MIPOL1: variants seen among roughly 807,000 people sequenced by gnomAD.
MIPOL1 encodes the protein mirror-image polydactyly gene 1 protein.
In MIPOL1, 57 loss-of-function variants were observed where a neutral mutation model predicts 60.9. The observed-to-expected ratio is 0.94, with a 90% CI of 0.76 to 1.17. The LOEUF is 1.17. MIPOL1 is among the 50% of genes most tolerant of loss of function. The probability of loss-of-function intolerance (pLI) is 0.00; values close to 1 mark genes in which losing one functional copy is unlikely to be tolerated. For synonymous variants in MIPOL1, 179 were observed against 168.8 expected (o/e 1.06, Z -0.47); for missense variants, 551 against 511.6 (o/e 1.08, Z -0.74).
At chr14:37,431,528 A>G (rs903160461) in intron 11 of MIPOL1, among the ~76,000 whole-genome samples, 1 of 147,956 alleles carries the variant, frequency 6.8e-6, no homozygotes, top group Non-Finnish European at 1.5e-5. Flanking sequence ...TCTTTAATGT[A>G]ACGTTCATGA....
At chr14:37,222,349 A>T (rs1283643433) in intron 1 of MIPOL1, among the ~76,000 whole-genome samples, 8 of 150,260 alleles carry the variant, frequency 5.3e-5, no homozygotes, top group Admixed American at 5.3e-4. Context: ...CAGCCTCCTG[A>T]GTAGCTGGGA....
At chr14:37,277,156 G>A (rs917574238) in intron 6 of MIPOL1, 2 of 150,988 alleles carry the variant, frequency 1.3e-5, no homozygotes, top group African/African-American at 4.8e-5. Flanking sequence ...TCAAGCCTTT[G>A]AAAATATATG....
intron 7 of MIPOL1, among the ~76,000 whole-genome samples, chr14:37,291,654 AGG>A (rs2085067210): frequency 6.6e-6 from 1 of 152,084 alleles, no homozygotes; most frequent in Non-Finnish European, 1.5e-5. Flanking sequence ...ATCTGGGACT[AGG>A]TAATTTATAA....
intron 3 of MIPOL1, among the ~76,000 whole-genome samples, chr14:37,256,322 A>T (rs2153370120): frequency 6.6e-6 from 1 of 152,050 alleles, no homozygotes; most frequent in Non-Finnish European, 1.5e-5. Context: ...GGAAGACAGA[A>T]CAAATATGTA....
At chr14:37,438,458 G>C (rs562967356) in intron 11 of MIPOL1, among the ~76,000 whole-genome samples, 3 of 152,040 alleles carry the variant, frequency 2.0e-5, no homozygotes, top group Admixed American at 2.0e-4. Context: ...CATCCCCTAG[G>C]TTACATTAAG....
intron 11 of MIPOL1, among the ~76,000 whole-genome samples, chr14:37,440,654 A>G (rs1327622466): frequency 6.6e-6 from 1 of 152,066 alleles, no homozygotes; most frequent in African/African-American, 2.4e-5. Flanking sequence ...TATATGCCCT[A>G]TTTTCTTTAT....
chr14:37,422,813 C>T (rs1221300466), intron 10 of MIPOL1, 42 bp from the exon 11 acceptor site: 2 of 1,342,908 alleles, frequency 1.5e-6, no homozygotes, highest in South Asian at 2.5e-5. Flanking sequence ...TTTATCATAC[C>T]AAAATGAATA....
chr14:37,401,019 A>G (rs769188371), intron 10 of MIPOL1: 4 of 152,144 alleles, frequency 2.6e-5, no homozygotes, highest in Non-Finnish European at 4.4e-5. Flanking sequence ...ATAGAGAACC[A>G]AAGATATTTT....
At chr14:37,449,646 G>A (rs745832422) in intron 11 of MIPOL1, among the ~76,000 whole-genome samples, 72 of 152,080 alleles carry the variant, frequency 4.7e-4, no homozygotes, top group Non-Finnish European at 8.2e-4. Context: ...CAAATAGAAT[G>A]TTCTTTGGAT....
intron 10 of MIPOL1, among the ~76,000 whole-genome samples, chr14:37,412,739 G>A (rs1480735127): frequency 1.3e-5 from 2 of 151,940 alleles, no homozygotes; most frequent in Non-Finnish European, 2.9e-5. Flanking sequence ...TGTTAAACAG[G>A]TGTGTTCACT....
intron 7 of MIPOL1, among the ~76,000 whole-genome samples, chr14:37,300,116 G>T (rs957631052): frequency 2.0e-5 from 3 of 151,284 alleles, no homozygotes; most frequent in African/African-American, 7.3e-5. Flanking sequence ...TGATCATCTG[G>T]CCAAGATATG....
chr14:37,360,280 C>T (rs945972833), intron 9 of MIPOL1, among the ~76,000 whole-genome samples: 1 of 151,992 alleles, frequency 6.6e-6, no homozygotes, highest in Admixed American at 6.6e-5. Flanking sequence ...TCTAAAATTC[C>T]CTTTTTTTGT....
At chr14:37,305,537 T>C (rs2086709811) in intron 7 of MIPOL1, among the ~76,000 whole-genome samples, 2 of 151,838 alleles carry the variant, frequency 1.3e-5, no homozygotes, top group Non-Finnish European at 2.9e-5. Context: ...TTTGGCCATT[T>C]GCAGAAAAAC....
chr14:37,425,112 A>G (rs1479249126), intron 11 of MIPOL1, among the ~76,000 whole-genome samples: 1 of 152,212 alleles, frequency 6.6e-6, no homozygotes, highest in African/African-American at 2.4e-5. Context: ...CAATGTGGTA[A>G]TTAGTAGATT....
At chr14:37,449,012 C>G (rs1049844066) in intron 11 of MIPOL1, among the ~76,000 whole-genome samples, 4 of 152,110 alleles carry the variant, frequency 2.6e-5, no homozygotes, top group African/African-American at 9.7e-5. Context: ...GACTCTGTAT[C>G]TTCTCAAGAA....
intron 10 of MIPOL1, among the ~76,000 whole-genome samples, chr14:37,386,412 C>A (rs990195655): frequency 6.6e-6 from 1 of 151,878 alleles, no homozygotes; most frequent in African/African-American, 2.4e-5. Flanking sequence ...TTATGTCAAG[C>A]CTGGTTGATG....
intron 11 of MIPOL1, among the ~76,000 whole-genome samples, chr14:37,442,262 A>G (rs187790581): frequency 6.6e-6 from 1 of 152,212 alleles, no homozygotes; most frequent in Admixed American, 6.5e-5. Flanking sequence ...TACTTCCAGG[A>G]GCCTTTTCAC....
chr14:37,487,593 C>T (rs770607877), intron 11 of MIPOL1, among the ~76,000 whole-genome samples: 8 of 152,126 alleles, frequency 5.3e-5, no homozygotes, highest in Non-Finnish European at 1.0e-4. Context: ...GAAATTTATC[C>T]AATTCTTCTA....
intron 1 of MIPOL1, among the ~76,000 whole-genome samples, chr14:37,217,866 C>G (rs1334227172): frequency 6.6e-6 from 1 of 152,200 alleles, no homozygotes; most frequent in Non-Finnish European, 1.5e-5. Flanking sequence ...TGTTATTCAA[C>G]ATAGTACTGT....
Sources: allele counts gnomAD v4.1 joint callset (sites outside exome capture counted in the v4.1 genomes callset), GRCh38; gene constraint gnomAD v4.1.1; transcripts MANE v1.5; gene names NCBI Gene and HGNC (gene_info 2026-07-23, HGNC 2026-07-21).